ADGRE3: variants seen among roughly 807,000 people sequenced by gnomAD.
ADGRE3 encodes the protein EGF-like module receptor 3.
A neutral mutation model predicts 80.1 loss-of-function variants in ADGRE3; 88 were observed. The ratio of observed to expected loss-of-function variants is 1.10; its 90% confidence interval spans 0.93 to 1.31. The LOEUF is 1.31. Ranked by LOEUF, ADGRE3 falls within the 40% of genes most tolerant of loss-of-function variation. The pLI is 0.00. For synonymous variants in ADGRE3, 281 were observed against 294.8 expected (o/e 0.95, Z 0.48); for missense variants, 715 against 776.5 (o/e 0.92, Z 0.94).
intron 6 of ADGRE3, among the ~76,000 whole-genome samples, chr19:14,652,529 C>T (rs1971635607): frequency 6.6e-6 from 1 of 151,694 alleles, no homozygotes; most frequent in Non-Finnish European, 1.5e-5. Context: ...CCTGAATTCC[C>T]AGCACTTTTG....
At chr19:14,642,800 T>C (rs1190931868) in intron 9 of ADGRE3, among the ~76,000 whole-genome samples, 2 of 152,270 alleles carry the variant, frequency 1.3e-5, no homozygotes, top group African/African-American at 4.8e-5. Context: ...GTATTCCATA[T>C]GTACCACATT....
chr19:14,634,245 C>T (rs577985734), intron 11 of ADGRE3, among the ~76,000 whole-genome samples: 30 of 152,100 alleles, frequency 2.0e-4, no homozygotes, highest in East Asian at 1.5e-3. Flanking sequence ...CAACAAATTA[C>T]GTGCTCAAAT....
intron 15 of ADGRE3, 89 bp from the exon 16 acceptor site, chr19:14,619,560 A>T: frequency 9.8e-7 from 1 of 1,023,526 alleles, no homozygotes; most frequent in Non-Finnish European, 1.5e-6. Context: ...AGCAGGAGTG[A>T]TTTAAACCCA....
chr19:14,637,189 T>C (rs1227905281), intron 11 of ADGRE3, among the ~76,000 whole-genome samples: 1 of 152,176 alleles, frequency 6.6e-6, no homozygotes, highest in Non-Finnish European at 1.5e-5. Context: ...CTTCAGCTGC[T>C]CTGAAGGACC....
chr19:14,660,892 G>A (rs1201635245), intron 4 of ADGRE3, among the ~76,000 whole-genome samples: 1 of 148,812 alleles, frequency 6.7e-6, no homozygotes. Flanking sequence ...GTTGGTTGGG[G>A]CAAAAAAAAT....
chr19:14,624,389 A>T (rs112538588), intron 15 of ADGRE3, among the ~76,000 whole-genome samples: 1 of 152,048 alleles, frequency 6.6e-6, no homozygotes, highest in Non-Finnish European at 1.5e-5. Context: ...CCACTGTGCC[A>T]GGCCTGTGGC....
At chr19:14,620,480 C>CATATGAATATATATGAAT (rs1416428124) in intron 15 of ADGRE3, among the ~76,000 whole-genome samples, 1 of 22,604 alleles carries the variant, frequency 4.4e-5, no homozygotes, top group Non-Finnish European at 8.4e-5. Context: ...ATTATGAGTA[C>CATATGAATATATATGAAT]ATATGAATAT....
chr19:14,625,464 A>G (rs762221824), intron 15 of ADGRE3, 28 bp downstream of exon 15: 5 of 1,388,438 alleles, frequency 3.6e-6, no homozygotes, highest in Non-Finnish European at 5.1e-6. Context: ...TATGTAAAAC[A>G]TTAGAACAAT....
chr19:14,616,459 C>T (rs559590037), downstream of ADGRE3, among the ~76,000 whole-genome samples: 1 of 151,986 alleles, frequency 6.6e-6, no homozygotes, highest in South Asian at 2.1e-4. Flanking sequence ...TGAGGGACTC[C>T]TGGATTGTGG....
At chr19:14,634,572 A>G (rs16979750) in intron 11 of ADGRE3, among the ~76,000 whole-genome samples, 57,054 of 151,984 alleles carry the variant, frequency 0.38, 11,026 homozygotes, top group Admixed American at 0.43. Flanking sequence ...TAGGAGGAAC[A>G]GCGTCCTGTT....
At chr19:14,637,768 A>G (rs567544739) in intron 11 of ADGRE3, among the ~76,000 whole-genome samples, 94 of 151,280 alleles carry the variant, frequency 6.2e-4, no homozygotes, top group Admixed American at 1.1e-3. Context: ...GCCTCAAGTG[A>G]TCCTCCCACG....
intron 11 of ADGRE3, among the ~76,000 whole-genome samples, chr19:14,634,948 T>C (rs1372479006): frequency 6.6e-6 from 1 of 152,142 alleles, no homozygotes; most frequent in Non-Finnish European, 1.5e-5. Context: ...CAGACCACTA[T>C]AACTCTGACT....
intron 2 of ADGRE3, 56 bp from the exon 3 acceptor site, chr19:14,663,596 T>C (rs543592271): frequency 5.7e-6 from 9 of 1,566,348 alleles, no homozygotes; most frequent in East Asian, 2.3e-5. Context: ...TCTCCTGTTA[T>C]AATTAGGCCC....
At chr19:14,612,837 C>G in the ADGRE3 span, among the ~76,000 whole-genome samples, 1 of 152,186 alleles carries the variant, frequency 6.6e-6, no homozygotes, top group South Asian at 2.1e-4. Context: ...TGGTACTACT[C>G]CCAGCTAGGC....
chr19:14,650,764 C>T (rs549923752), intron 7 of ADGRE3, among the ~76,000 whole-genome samples: 1 of 151,862 alleles, frequency 6.6e-6, no homozygotes, highest in East Asian at 1.9e-4. Context: ...TGAATACACC[C>T]ACTGTTGTTC....
At chr19:14,604,640 G>A in the ADGRE3 span, among the ~76,000 whole-genome samples, 1 of 151,940 alleles carries the variant, frequency 6.6e-6, no homozygotes, top group Non-Finnish European at 1.5e-5. Flanking sequence ...GCGCGTGGCT[G>A]TAATCCCAGC....
the ADGRE3 span, among the ~76,000 whole-genome samples, chr19:14,607,482 C>T: frequency 6.8e-3 from 1,031 of 150,918 alleles, 16 homozygotes; most frequent in African/African-American, 0.024. Flanking sequence ...GGATTACAGG[C>T]GTGAGCCACC....
intron 1 of ADGRE3, among the ~76,000 whole-genome samples, chr19:14,673,085 C>T (rs748118876): frequency 1.3e-5 from 2 of 152,172 alleles, no homozygotes; most frequent in Non-Finnish European, 2.9e-5. Context: ...TTTGATTCCA[C>T]ATATACTGAA....
At chr19:14,607,977 C>T in the ADGRE3 span, among the ~76,000 whole-genome samples, 1 of 151,956 alleles carries the variant, frequency 6.6e-6, no homozygotes, top group Non-Finnish European at 1.5e-5. Context: ...CTCTGGTAAT[C>T]CTCCTGCCTC....
Sources: allele counts gnomAD v4.1 joint callset (sites outside exome capture counted in the v4.1 genomes callset), GRCh38; gene constraint gnomAD v4.1.1; transcripts MANE v1.5; gene names NCBI Gene and HGNC (gene_info 2026-07-23, HGNC 2026-07-21).